Variants in PLCB1 observed in about 807,000 individuals in gnomAD.
The protein encoded by PLCB1 is 1-phosphatidylinositol 4,5-bisphosphate phosphodiesterase beta-1.
Under a neutral mutation model 161.8 loss-of-function variants are expected in PLCB1, and 46 were observed. The observed-to-expected ratio is 0.28, with a 90% CI of 0.22 to 0.36. The LOEUF (loss-of-function observed/expected upper bound fraction) is 0.36. Ranked by LOEUF, PLCB1 falls within the 10% of genes least tolerant of loss-of-function variation. PLCB1 has a pLI of 1.00. For missense variants in PLCB1, 1,016 were observed against 1,472.5 expected, an observed-to-expected ratio of 0.69 and a Z score of 5.07; for synonymous variants, 517 against 503.7, an observed-to-expected ratio of 1.03 and a Z score of -0.35.
At chr20:8,769,253 C>CATTTTTAAAATAAAAATTAACATTTT (rs1389608315) in intron 26 of PLCB1, among the ~76,000 whole-genome samples, 23 of 151,936 alleles carry the variant, frequency 1.5e-4, no homozygotes, top group South Asian at 4.2e-4. Context: ...CAACTCATAA[C>CATTTTTAAAATAAAAATTAACATTTT]ATTTTTAAAA....
chr20:8,703,498 C>T (rs1978488239), intron 11 of PLCB1, among the ~76,000 whole-genome samples: 2 of 152,136 alleles, frequency 1.3e-5, no homozygotes, highest in Middle Eastern at 3.2e-3. Flanking sequence ...TCCACTTCAC[C>T]TCCAGGAAGG....
intron 3 of PLCB1, among the ~76,000 whole-genome samples, chr20:8,566,796 T>C (rs1441659831): frequency 6.7e-6 from 1 of 149,624 alleles, no homozygotes; most frequent in African/African-American, 2.4e-5. Context: ...ATCTTGAGAT[T>C]ATAAATCACT....
chr20:8,281,979 T>C (rs1267045707), intron 2 of PLCB1, among the ~76,000 whole-genome samples: 2 of 152,174 alleles, frequency 1.3e-5, no homozygotes, highest in Non-Finnish European at 2.9e-5. Context: ...AAATCTAAAC[T>C]GAAATATTTA....
intron 18 of PLCB1, among the ~76,000 whole-genome samples, chr20:8,731,327 C>T (rs906783947): frequency 1.3e-5 from 2 of 151,776 alleles, no homozygotes; most frequent in African/African-American, 2.4e-5. Flanking sequence ...ACATTAGAAA[C>T]AATCGAATTG....
intron 3 of PLCB1, among the ~76,000 whole-genome samples, chr20:8,389,455 A>G (rs1336423331): frequency 1.3e-5 from 2 of 152,222 alleles, no homozygotes; most frequent in Non-Finnish European, 2.9e-5. Context: ...AGCCAAGAAC[A>G]TTCTCACGGA....
At chr20:8,856,489 G>A (rs6133630) in intron 31 of PLCB1, among the ~76,000 whole-genome samples, 42,851 of 151,876 alleles carry the variant, frequency 0.28, 7,368 homozygotes, top group East Asian at 0.65. Context: ...GGGGGCACAC[G>A]CCTGTAGTTC....
chr20:8,315,359 C>T (rs557024810), intron 2 of PLCB1, among the ~76,000 whole-genome samples: 1 of 152,240 alleles, frequency 6.6e-6, no homozygotes, highest in East Asian at 1.9e-4. Flanking sequence ...GTTTGTTTTT[C>T]CAGATTTTCT....
At chr20:8,813,073 G>T (rs1471477281) in intron 31 of PLCB1, among the ~76,000 whole-genome samples, 2 of 152,176 alleles carry the variant, frequency 1.3e-5, no homozygotes, top group Non-Finnish European at 2.9e-5. Flanking sequence ...CTGATTTCAG[G>T]TTTCCTGGAC....
At chr20:8,821,139 A>G (rs6056165) in intron 31 of PLCB1, among the ~76,000 whole-genome samples, 4,022 of 152,102 alleles carry the variant, frequency 0.026, 168 homozygotes, top group African/African-American at 0.092. Flanking sequence ...TATTGAAGAG[A>G]TCAAAGCTAT....
intron 2 of PLCB1, among the ~76,000 whole-genome samples, chr20:8,270,119 A>G (rs1982204596): frequency 6.6e-6 from 1 of 152,160 alleles, no homozygotes; most frequent in Non-Finnish European, 1.5e-5. Flanking sequence ...CTATCAAAAC[A>G]GCCATTTCTT....
chr20:8,855,425 ACCTGTT>A (rs1987036755), intron 31 of PLCB1, among the ~76,000 whole-genome samples: 1 of 152,178 alleles, frequency 6.6e-6, no homozygotes, highest in South Asian at 2.1e-4. Flanking sequence ...CTGCAGCAGA[ACCTGTT>A]CCAAGTCACC....
At chr20:8,538,939 G>T (rs1007478887) in intron 3 of PLCB1, among the ~76,000 whole-genome samples, 1 of 151,522 alleles carries the variant, frequency 6.6e-6, no homozygotes, top group Non-Finnish European at 1.5e-5. Flanking sequence ...GATTACAGGC[G>T]CCTGCCACCA....
chr20:8,414,732 G>C (rs1979197199), intron 3 of PLCB1, among the ~76,000 whole-genome samples: 1 of 152,012 alleles, frequency 6.6e-6, no homozygotes, highest in South Asian at 2.1e-4. Flanking sequence ...TGTAGCTGTG[G>C]AGCATTGGAA....
intron 3 of PLCB1, among the ~76,000 whole-genome samples, chr20:8,405,166 G>T (rs1978729541): frequency 6.6e-6 from 1 of 152,176 alleles, no homozygotes; most frequent in Non-Finnish European, 1.5e-5. Flanking sequence ...CTGGGTTCAT[G>T]TATGTGTCTG....
chr20:8,203,096 C>T (rs191342508), intron 2 of PLCB1, among the ~76,000 whole-genome samples: 144 of 134,212 alleles, frequency 1.1e-3, no homozygotes, highest in South Asian at 6.8e-3. Flanking sequence ...CACACACACG[C>T]GCACACACAC....
intron 31 of PLCB1, among the ~76,000 whole-genome samples, chr20:8,840,204 A>G (rs981035088): frequency 1.3e-5 from 2 of 152,180 alleles, no homozygotes; most frequent in Non-Finnish European, 2.9e-5. Context: ...ACTGAACTGA[A>G]GCAATATTAA....
chr20:8,355,545 T>C (rs1433580822), intron 2 of PLCB1, among the ~76,000 whole-genome samples: 1 of 152,196 alleles, frequency 6.6e-6, no homozygotes, highest in African/African-American at 2.4e-5. Context: ...TTGTGAGAAC[T>C]ATTCATATGA....
At chr20:8,384,600 G>A (rs1987366356) in intron 3 of PLCB1, among the ~76,000 whole-genome samples, 1 of 151,974 alleles carries the variant, frequency 6.6e-6, no homozygotes, top group Non-Finnish European at 1.5e-5. Context: ...AGGAGAAGAG[G>A]CACTCTGCAT....
Position 8,290,323 on chromosome 20 carries a change from G to A in PLCB1, c.178-81059G>A, listed in dbSNP as rs572233991. On this transcript the variant is annotated intron_variant, in intron 2 of 31. Transcript: ENST00000338037. ...AGTAGTTTTCTGGAAGGTCGTGCCA[G>A]GAAACCTGCCAAGAATGGGAAAGTG... is the stretch of plus-strand genomic sequence containing the variant. 2.0e-4 allele frequency among the ~76,000 whole-genome samples: 31 copies of A among 152,270 alleles called. No individual in the cohort carries two copies. The East Asian group carries it at 2.3e-3, about 11-fold the overall frequency.
Sources: gnomAD v4.1 joint callset for allele counts (sites outside exome capture counted in the v4.1 genomes callset) on GRCh38, gnomAD v4.1.1 for gene constraint, MANE v1.5 for transcripts, NCBI Gene and HGNC (gene_info 2026-07-23, HGNC 2026-07-21) for gene names.